Variants in CACNA1A observed in about 807,000 individuals in gnomAD.
CACNA1A encodes the protein calcium voltage-gated channel subunit alpha1 A.
Under a neutral mutation model 262.4 loss-of-function variants are expected in CACNA1A, and 57 were observed. The ratio of observed to expected loss-of-function variants is 0.22; its 90% CI spans 0.18 to 0.27. The LOEUF is 0.27. Among genes scored for constraint, CACNA1A ranks in the 10% least tolerant of loss-of-function variants. The pLI is 1.00. For synonymous variants in CACNA1A, 1,431 were observed against 1,419.3 expected (o/e 1.01, Z -0.18); for missense variants, 2,526 against 3,562.8 (o/e 0.71, Z 7.41).
At chr19:13,468,466 C>T (rs184947956) in intron 1 of CACNA1A, among the ~76,000 whole-genome samples, 198 of 152,262 alleles carry the variant, frequency 1.3e-3, no homozygotes, top group Non-Finnish European at 2.3e-3. Flanking sequence ...TCTCTCTCTA[C>T]ACAGTCCATC....
chr19:13,210,411 T>C (rs932611737), intron 44 of CACNA1A, among the ~76,000 whole-genome samples: 3 of 152,190 alleles, frequency 2.0e-5, no homozygotes, highest in East Asian at 1.9e-4. Flanking sequence ...AGGATGGGGA[T>C]GGCCCCGCCC....
chr19:13,500,862 G>C (rs1014383886), intron 1 of CACNA1A, among the ~76,000 whole-genome samples: 1 of 152,202 alleles, frequency 6.6e-6, no homozygotes, highest in African/African-American at 2.4e-5. Flanking sequence ...ACACCAAAAA[G>C]GAAGGCGCTA....
chr19:13,245,068 GC>G, intron 31 of CACNA1A, 113 bp downstream of exon 31: 1 of 874,662 alleles, frequency 1.1e-6, no homozygotes, highest in Non-Finnish European at 1.9e-6. Flanking sequence ...CCAAGTGCTG[GC>G]TCAAGCAGCT....
In CACNA1A at chr19:13,299,019, T is replaced by C; in HGVS notation, c.2614A>G (p.Ser872Gly). The part of the protein sequence containing the change: ...ARYHDRARDP[S>G]GSAGLDARRP... ...CGTGCGTCCAGGCCCGCCGAGCCGCTGGGGTCCCGGGCCCGATCGTGGTAG... is the reference window on the plus strand; with the variant it reads ...CGTGCGTCCAGGCCCGCCGAGCCGCCGGGGTCCCGGGCCCGATCGTGGTAG... Residue 872 changes from serine to glycine, a missense_variant, in exon 19 of 47, where the codon AGC becomes GGC. Ser to Gly is a moderately conservative substitution (Grantham distance 56, BLOSUM62 0). Around this residue, in one of 17 missense-constraint regions of CACNA1A, gnomAD observed 765 missense variants for 748.6 expected, o/e 1.02. Coordinates refer to ENST00000360228, the MANE Select transcript of CACNA1A (RefSeq NM_001127222.2). The C allele has an allele frequency of 6.3e-7, 1 of 1,589,820 alleles. No homozygotes were observed. The highest frequency in any genetic ancestry group is 1.1e-5 in the South Asian group (1 of 89,702).
At chr19:13,360,474 ATTT>A (rs58721308) in intron 5 of CACNA1A, among the ~76,000 whole-genome samples, 22,306 of 125,078 alleles carry the variant, frequency 0.18, 1,335 homozygotes, top group East Asian at 0.39. Context: ...TGCCACTAGA[ATTT>A]TTTTTTTTTT....
chr19:13,280,300 CAAG>C (rs1568488935), intron 22 of CACNA1A, among the ~76,000 whole-genome samples: 12 of 151,666 alleles, frequency 7.9e-5, no homozygotes, highest in Non-Finnish European at 1.3e-4. Context: ...CTCAGCCTCC[CAAG>C]TGGCTGGGAC....
At chr19:13,376,828 CACATGTT>C (rs2059423171) in intron 3 of CACNA1A, among the ~76,000 whole-genome samples, 5 of 75,718 alleles carry the variant, frequency 6.6e-5, no homozygotes, top group Admixed American at 6.2e-4. Flanking sequence ...TGATATATAA[CACATGTT>C]ATATGTGATA....
intron 3 of CACNA1A, among the ~76,000 whole-genome samples, chr19:13,434,593 C>A (rs1382565956): frequency 6.6e-6 from 1 of 151,950 alleles, no homozygotes; most frequent in Non-Finnish European, 1.5e-5. Context: ...CATCTCCCCA[C>A]TCTCTCTCTT....
At chr19:13,445,971 G>C (rs540213914) in intron 3 of CACNA1A, among the ~76,000 whole-genome samples, 1 of 152,138 alleles carries the variant, frequency 6.6e-6, no homozygotes, top group Non-Finnish European at 1.5e-5. Flanking sequence ...AGGGCAACAG[G>C]TTAATCAGAA....
intron 1 of CACNA1A, among the ~76,000 whole-genome samples, chr19:13,497,550 AT>A (rs1399660794): frequency 1.3e-4 from 8 of 59,810 alleles, no homozygotes; most frequent in Admixed American, 2.4e-4. Flanking sequence ...ATATATATAT[AT>A]ATATATATAT....
intron 1 of CACNA1A, among the ~76,000 whole-genome samples, chr19:13,503,912 T>TC (rs1982698667): frequency 6.6e-6 from 1 of 151,708 alleles, no homozygotes; most frequent in African/African-American, 2.4e-5. Context: ...CTCCCACGAT[T>TC]CCCCCTTCCG....
At chr19:13,395,934 G>A (rs977759826) in intron 3 of CACNA1A, among the ~76,000 whole-genome samples, 1 of 152,198 alleles carries the variant, frequency 6.6e-6, no homozygotes, top group African/African-American at 2.4e-5. Flanking sequence ...TCCCCACTCA[G>A]TCTATTAGCA....
intron 3 of CACNA1A, among the ~76,000 whole-genome samples, chr19:13,411,375 C>G (rs907058103): frequency 6.6e-6 from 1 of 152,140 alleles, no homozygotes; most frequent in Non-Finnish European, 1.5e-5. Flanking sequence ...GTGGAGATAA[C>G]TGAATCATGG....
chr19:13,324,382 T>A (rs1022333341), intron 10 of CACNA1A, among the ~76,000 whole-genome samples: 2 of 152,228 alleles, frequency 1.3e-5, no homozygotes, highest in African/African-American at 4.8e-5. Flanking sequence ...GTATTTATAT[T>A]GCATTATTAA....
intron 1 of CACNA1A, among the ~76,000 whole-genome samples, chr19:13,468,599 C>T (rs1224791515): frequency 6.6e-6 from 1 of 152,136 alleles, no homozygotes; most frequent in Non-Finnish European, 1.5e-5. Flanking sequence ...CCAGCTTGGT[C>T]AACATGGTGA....
intron 1 of CACNA1A, among the ~76,000 whole-genome samples, chr19:13,466,703 AATC>A (rs918935146): frequency 7.3e-5 from 11 of 150,588 alleles, no homozygotes; most frequent in African/African-American, 1.7e-4. Flanking sequence ...TAATAATAAT[AATC>A]ATCATCATCA....
At chr19:13,335,745 C>A in intron 7 of CACNA1A, 61 bp downstream of exon 7, 1 of 1,103,936 alleles carries the variant, frequency 9.1e-7, no homozygotes. Flanking sequence ...ATGGCCTCTA[C>A]TTGGAAAGAA....
chr19:13,429,882 A>T (rs1398085579), intron 3 of CACNA1A, among the ~76,000 whole-genome samples: 1 of 150,458 alleles, frequency 6.6e-6, no homozygotes, highest in Non-Finnish European at 1.5e-5. Flanking sequence ...CAAATACTGT[A>T]TGATTCTACT....
rs147100706 is a variant in CACNA1A, at chr19:13,359,016, C to T, written c.978+590G>A. ...TGGCCACATTTGTGTTAACAGCCAC[C>T]CCTCGGATGTCCTTGGCCCTCAGTT... is the stretch of plus-strand genomic sequence containing the variant. On this transcript the variant is annotated intron_variant, in intron 6 of 46. Transcript: ENST00000360228. Among the ~76,000 whole-genome samples the T allele has an allele frequency of 6.2e-3, 941 of 152,266 alleles. 8 individuals carry two copies. The highest frequency in any genetic ancestry group is 0.022 in the African/African-American group (903 of 41,536).
Sources: allele counts gnomAD v4.1 joint callset (sites outside exome capture counted in the v4.1 genomes callset), GRCh38; gene constraint gnomAD v4.1.1; regional missense constraint gnomAD v4.1.1; transcripts MANE v1.5; gene names NCBI Gene and HGNC (gene_info 2026-07-23, HGNC 2026-07-21).